The following LSS variants were observed in gnomAD, a reference collection of about 807,000 sequenced individuals.
The protein encoded by LSS is 2,3-epoxysqualene-lanosterol cyclase.
Under a neutral mutation model 110.3 loss-of-function variants are expected in LSS, and 90 were observed. The observed-to-expected ratio is 0.82, with a 90% CI of 0.69 to 0.97. LSS has a LOEUF of 0.97. LSS is among the 50% of genes least tolerant of loss of function. The probability of loss-of-function intolerance (pLI) is 0.00; values close to 1 mark genes in which losing one functional copy is unlikely to be tolerated. For synonymous variants in LSS, 433 were observed against 400.0 expected, an observed-to-expected ratio of 1.08 and a Z score of -0.98; for missense variants, 927 against 990.0, an observed-to-expected ratio of 0.94 and a Z score of 0.85.
At chr21:46,191,825 C>T (rs1212516697) in intron 21 of LSS, 56 bp downstream of exon 21, 10 of 1,449,870 alleles carry the variant, frequency 6.9e-6, no homozygotes, top group Non-Finnish European at 9.6e-6. Context: ...TGGAAACAGC[C>T]ATGCACGCTG....
chr21:46,202,572 G>C (rs2079993447), intron 17 of LSS, among the ~76,000 whole-genome samples: 1 of 151,970 alleles, frequency 6.6e-6, no homozygotes, highest in South Asian at 2.1e-4. Context: ...AAAAATGAAA[G>C]AAAAAACTTC....
intron 20 of LSS, chr21:46,193,125 G>C (rs917587695): frequency 4.5e-6 from 2 of 446,624 alleles, no homozygotes; most frequent in Non-Finnish European, 9.0e-6. Flanking sequence ...AGGTGCCTGT[G>C]CATGCATACG....
intron 3 of LSS, among the ~76,000 whole-genome samples, chr21:46,227,093 C>A (rs1203966354): frequency 6.6e-6 from 1 of 152,210 alleles, no homozygotes; most frequent in Non-Finnish European, 1.5e-5. Context: ...CAGTTCAATA[C>A]CCAGGCAGTC....
chr21:46,199,683 T>C (rs929891011), intron 17 of LSS, among the ~76,000 whole-genome samples: 3 of 152,240 alleles, frequency 2.0e-5, no homozygotes, highest in Non-Finnish European at 4.4e-5. Context: ...AAATGTGCTA[T>C]TGAGCCATAG....
chr21:46,226,749 C>A (rs1159023650), intron 3 of LSS, among the ~76,000 whole-genome samples: 2 of 152,140 alleles, frequency 1.3e-5, no homozygotes, highest in Non-Finnish European at 1.5e-5. Flanking sequence ...CATTTCAAGT[C>A]TGGGACAAAA....
intron 5 of LSS, among the ~76,000 whole-genome samples, chr21:46,221,158 G>A (rs2080275075): frequency 6.6e-6 from 1 of 150,612 alleles, no homozygotes; most frequent in Non-Finnish European, 1.5e-5. Flanking sequence ...CCCGGGCTTG[G>A]AGAGGTGGAC....
chr21:46,215,728 G>C lies in LSS; in HGVS notation c.849C>G (p.Asp283Glu). The C allele has an allele frequency of 5.0e-6, 8 of 1,612,880 alleles. No homozygotes were observed. Among genetic ancestry groups the C allele is most frequent in the Non-Finnish European group, 6.8e-6 (8 of 1,179,480 alleles). The part of the protein sequence containing the change: ...WLAQRNNVAP[D>E]ELYTPHSWLL... ...GCCAGCTGTGCGGCGTGTACAGCTC[G>C]TCGGGGGCCACGTTGTTCCTCTGCG... Residue 283 changes from aspartate (D) to glutamate (E), a missense_variant, in exon 8 of 22, where the codon GAC becomes GAG. Physicochemically the swap from Asp to Glu is conservative, Grantham distance 45. Coordinates refer to ENST00000397728, the MANE Select transcript of LSS (RefSeq NM_002340.6).
chr21:46,215,281 CATACAGGTT>C lies in LSS; in HGVS notation c.901_909del (p.Asn301_Tyr303del). ...CGCAGGTGGGCACTGTGGTGGTGCT[CATACAGGTT>C]GAGGAGCGCTACAGGGGACAGGGGT... On this transcript the variant is annotated inframe_deletion, in exon 9 of 22. Coordinates refer to ENST00000397728, the MANE Select transcript of LSS (RefSeq NM_002340.6). 1 of 1,609,418 alleles carries C rather than the reference CATACAGGTT, an allele frequency of 6.2e-7. No homozygotes were observed. Among genetic ancestry groups the C allele is most frequent in the East Asian group, 2.2e-5 (1 of 44,866 alleles).
intron 17 of LSS, among the ~76,000 whole-genome samples, chr21:46,197,897 CAAAAAA>C (rs1569020021): frequency 6.8e-6 from 1 of 147,594 alleles, no homozygotes; most frequent in African/African-American, 2.5e-5. Context: ...AAAAAAAAAA[CAAAAAA>C]CAAAAAACAA....
chr21:46,226,838 TA>T (rs2080346891), intron 3 of LSS, among the ~76,000 whole-genome samples: 1 of 152,182 alleles, frequency 6.6e-6, no homozygotes, highest in Non-Finnish European at 1.5e-5. Context: ...AACAAAGGTA[TA>T]TAAGGACTTT....
At position 46,215,305 on chromosome 21, in the gene LSS, G is replaced by T. The variant is rs377008183; in HGVS notation, c.893-7C>A. The T allele has an allele frequency of 2.9e-5, 46 of 1,587,198 alleles. No homozygotes were observed. In the African/African-American group the frequency reaches 3.6e-4, roughly 12 times the overall value. ...TCATACAGGTTGAGGAGCGCTACAG[G>T]GGACAGGGGTCAGTGGATGCCAGAC... is the stretch of plus-strand genomic sequence containing the variant. On this transcript the variant is annotated splice_region_variant and splice_polypyrimidine_tract_variant and intron_variant, in intron 8 of 21. Transcript: ENST00000397728.
chr21:46,211,723 A>C (rs997607514), intron 11 of LSS, among the ~76,000 whole-genome samples: 2 of 152,230 alleles, frequency 1.3e-5, no homozygotes, highest in African/African-American at 4.8e-5. Flanking sequence ...ATCGAGCCTC[A>C]GGGCCTGGCC....
At position 46,220,303 on chromosome 21, in the gene LSS, TCAA is replaced by T. The variant is rs1235386092; in HGVS notation, c.551-734_551-732del. ...GGACAGCAGCCTTGGGGACGCAGCA[TCAA>T]CGACACCAAAGGCTGACAGTGAACT... On this transcript the variant is annotated intron_variant, in intron 5 of 21. Transcript: ENST00000397728. The T allele has an allele frequency of 3.3e-5, 5 of 152,228 alleles. No homozygotes were observed. The East Asian group carries it at 9.7e-4, about 29-fold the overall frequency. The allele number at this position is 152,228 out of a possible 1,614,324, so 9.4% of individuals were successfully genotyped here.
intron 3 of LSS, 145 bp downstream of exon 3, chr21:46,227,407 T>C: frequency 1.0e-6 from 1 of 995,628 alleles, no homozygotes; most frequent in Non-Finnish European, 1.5e-6. Flanking sequence ...AGGACGACTC[T>C]GACATAGGGC....
chr21:46,195,556 C>T (rs1044131845), intron 19 of LSS, 120 bp downstream of exon 19: 37 of 946,278 alleles, frequency 3.9e-5, no homozygotes, highest in African/African-American at 8.2e-5. Flanking sequence ...AGCGAGACTC[C>T]GTCTCAAAAA....
intron 2 of LSS, 99 bp downstream of exon 2, chr21:46,228,335 G>A: frequency 7.2e-7 from 1 of 1,389,038 alleles, no homozygotes; most frequent in Non-Finnish European, 9.7e-7. Context: ...GGGCGTCGCT[G>A]GCCGGGTCCT....
At chr21:46,208,200 G>A (rs2080078565) in intron 14 of LSS, 51 bp downstream of exon 14, 2 of 1,532,036 alleles carry the variant, frequency 1.3e-6, no homozygotes, top group South Asian at 1.2e-5. Flanking sequence ...ACCCTGCTGA[G>A]GGCGGCCTCC....
At chr21:46,221,790 T>C (rs945052890) in intron 5 of LSS, 64 bp downstream of exon 5, 1 of 1,608,170 alleles carries the variant, frequency 6.2e-7, no homozygotes, top group Admixed American at 1.7e-5. Flanking sequence ...TGTATCGCGT[T>C]TGTGAGAGCT....
intron 13 of LSS, 106 bp from the exon 14 acceptor site, chr21:46,208,407 C>G (rs536520751): frequency 9.7e-7 from 1 of 1,028,358 alleles, no homozygotes. Context: ...AGAGGCAGAA[C>G]GTGCCTGGGA....
Sources: gnomAD v4.1 joint callset for allele counts (sites outside exome capture counted in the v4.1 genomes callset) on GRCh38, gnomAD v4.1.1 for gene constraint, MANE v1.5 for transcripts, NCBI Gene and HGNC (gene_info 2026-07-23, HGNC 2026-07-21) for gene names.